The following G2E3 variants were observed in gnomAD, a reference collection of about 807,000 sequenced individuals.
The protein encoded by G2E3 is G2/M-phase specific E3 ubiquitin protein ligase.
Under a neutral mutation model 92.8 loss-of-function variants are expected in G2E3, and 35 were observed. The observed-to-expected ratio is 0.38, with a 90% confidence interval of 0.29 to 0.50. The LOEUF is 0.50. Among genes scored for constraint, G2E3 ranks in the 20% least tolerant of loss-of-function variants. The pLI is 0.94. For missense variants in G2E3, 554 were observed against 823.8 expected (o/e 0.67, Z 4.01); for synonymous variants, 242 against 272.4 (o/e 0.89, Z 1.10).
chr14:30,593,474 G>T lies in G2E3; in HGVS notation c.363G>T (p.Ala121=). ...ECIFQFTGNF[A]SFCWDHRPVQ... is the part of the protein sequence containing the mutation. The stretch of plus-strand genomic sequence containing the variant: ...TTTTTAAAATAATTTACATTTTTAG[G>T]TCATTTTGTTGGGACCATCGACCTG... Residue 121 remains alanine, a splice_region_variant and synonymous_variant, in exon 6 of 15, where the codon GCG becomes GCT. Coordinates refer to ENST00000206595, the MANE Select transcript of G2E3 (RefSeq NM_017769.5). 1 of 1,444,552 alleles carries T rather than the reference G, an allele frequency of 6.9e-7. No individual in the cohort carries two copies. The highest frequency in any genetic ancestry group is 9.5e-7 in the Non-Finnish European group (1 of 1,056,666). The allele number at this position is 1,444,552 out of a possible 1,614,324, so 89.5% of individuals were successfully genotyped here. A position where few individuals can be genotyped will look rare whatever the true frequency, so the allele number is the denominator to read the frequency against.
intron 3 of G2E3, among the ~76,000 whole-genome samples, chr14:30,588,918 A>T (rs1240614439): frequency 6.6e-6 from 1 of 152,200 alleles, no homozygotes; most frequent in Non-Finnish European, 1.5e-5. Flanking sequence ...AGGGTTCAAT[A>T]GGTTTTCTTG....
At chr14:30,590,655 T>G in intron 4 of G2E3, 1 of 455,538 alleles carries the variant, frequency 2.2e-6, no homozygotes, top group Non-Finnish European at 4.4e-6. Flanking sequence ...TTTTTGAAGA[T>G]ATCAAGAAGG....
intron 4 of G2E3, chr14:30,590,887 G>A (rs1880973135): frequency 3.4e-6 from 1 of 292,776 alleles, no homozygotes; most frequent in Non-Finnish European, 6.9e-6. Flanking sequence ...CAAAATGCTT[G>A]GAACCAGAAT....
Position 30,565,273 on chromosome 14 carries a change from G to A in G2E3, c.-5+6001G>A, listed in dbSNP as rs557499073. Reference sequence around the variant, plus strand: ...TGTTGGCCATTTGAATATTTTCTTTGGAGAAATGTCTTCAGATATTTTGTT... The same window carrying A: ...TGTTGGCCATTTGAATATTTTCTTTAGAGAAATGTCTTCAGATATTTTGTT... On this transcript the variant is annotated intron_variant, in intron 1 of 14. Coordinates refer to ENST00000206595, the MANE Select transcript of G2E3 (RefSeq NM_017769.5). Among the ~76,000 whole-genome samples, 3 of 151,980 alleles carry A rather than the reference G, an allele frequency of 2.0e-5. No homozygotes were observed. The South Asian group carries it at 6.2e-4, about 32-fold the overall frequency.
chr14:30,575,211 C>T (rs756288052), intron 1 of G2E3, among the ~76,000 whole-genome samples: 41 of 151,902 alleles, frequency 2.7e-4, no homozygotes, highest in Non-Finnish European at 4.6e-4. Context: ...CTGTTGGTCG[C>T]GTATATGTCT....
At chr14:30,603,281 G>A (rs1048258204) in intron 10 of G2E3, among the ~76,000 whole-genome samples, 4 of 149,744 alleles carry the variant, frequency 2.7e-5, no homozygotes, top group East Asian at 2.0e-4. Context: ...AGCCAAGGTC[G>A]CGCCACTGTA....
chr14:30,584,230 A>G (rs1440958504), intron 2 of G2E3, among the ~76,000 whole-genome samples: 1 of 152,248 alleles, frequency 6.6e-6, no homozygotes, highest in East Asian at 1.9e-4. Context: ...TTGCTGAATA[A>G]TATTCCATCA....
chr14:30,608,819 T>A (rs1881953978), intron 12 of G2E3, among the ~76,000 whole-genome samples: 1 of 152,220 alleles, frequency 6.6e-6, no homozygotes, highest in Admixed American at 6.5e-5. Context: ...GTTTAATGAT[T>A]AAAAGCATAG....
intron 7 of G2E3, 30 bp downstream of exon 7, chr14:30,597,556 A>G: frequency 1.8e-6 from 2 of 1,099,584 alleles, no homozygotes; most frequent in Non-Finnish European, 2.8e-6. Flanking sequence ...ATGATAAAAA[A>G]AAGATATTTT....
intron 13 of G2E3, among the ~76,000 whole-genome samples, chr14:30,614,965 ACT>A (rs1882247261): frequency 6.6e-6 from 1 of 152,044 alleles, no homozygotes; most frequent in South Asian, 2.1e-4. Context: ...AAGATTTATC[ACT>A]CTTGGTAATA....
intron 11 of G2E3, among the ~76,000 whole-genome samples, chr14:30,606,920 A>T (rs1354010455): frequency 6.6e-6 from 1 of 152,112 alleles, no homozygotes; most frequent in Non-Finnish European, 1.5e-5. Context: ...CCTTTGGGAA[A>T]GATTATTTAG....
intron 2 of G2E3, among the ~76,000 whole-genome samples, chr14:30,583,833 T>C (rs1880563283): frequency 6.6e-6 from 1 of 152,198 alleles, no homozygotes; most frequent in Non-Finnish European, 1.5e-5. Context: ...CTTCAAGTTG[T>C]ATTTTTGTGT....
intron 4 of G2E3, among the ~76,000 whole-genome samples, chr14:30,591,612 A>G (rs1012052218): frequency 6.6e-6 from 1 of 152,170 alleles, no homozygotes; most frequent in Non-Finnish European, 1.5e-5. Flanking sequence ...TTGTGGCAGC[A>G]TAACTCCAAT....
Position 30,605,565 on chromosome 14 carries a change from TAA to T in G2E3, c.1080_1081del (p.Lys360AsnfsTer2). The T allele has an allele frequency of 7.4e-7, 1 of 1,359,736 alleles. No individual in the cohort carries two copies. Among genetic ancestry groups the T allele is most frequent in the Non-Finnish European group, 1.0e-6 (1 of 991,988 alleles). 84.2% of individuals were successfully genotyped at this position (1,359,736 alleles called of 1,614,324 possible). ...TLLIELGFQIKKKTKRLYINK... is the reference protein window; with the variant it reads ...TLLIELGFQIXKKTKRLYINK... ...TATTAATAGAGTTAGGATTCCAAAT[TAA>T]AAAAAAAACTAAAAGATTGTATATC... On this transcript the variant is annotated frameshift_variant, in exon 11 of 15. Transcript: ENST00000206595. LOFTEE classifies it high-confidence loss of function.
chr14:30,581,780 C>T (rs186582698), intron 2 of G2E3, among the ~76,000 whole-genome samples: 9 of 152,204 alleles, frequency 5.9e-5, no homozygotes, highest in South Asian at 2.1e-4. Flanking sequence ...CAAATAGATG[C>T]GGTCCGTTTT....
intron 1 of G2E3, among the ~76,000 whole-genome samples, chr14:30,576,373 G>T (rs1880090430): frequency 6.6e-6 from 1 of 152,176 alleles, no homozygotes; most frequent in African/African-American, 2.4e-5. Flanking sequence ...ACCACCTCAA[G>T]ATGGATTAAA....
At chr14:30,570,818 A>G (rs932757696) in intron 1 of G2E3, among the ~76,000 whole-genome samples, 24 of 151,994 alleles carry the variant, frequency 1.6e-4, no homozygotes, top group African/African-American at 5.6e-4. Context: ...ATTTTCGTGG[A>G]TGTGTTCTGT....
At chr14:30,569,909 A>G (rs536591486) in intron 1 of G2E3, among the ~76,000 whole-genome samples, 1 of 152,282 alleles carries the variant, frequency 6.6e-6, no homozygotes, top group South Asian at 2.1e-4. Flanking sequence ...CTCTACTTAG[A>G]ATGCTTTTTC....
chr14:30,577,329 C>CT (rs1306421632), intron 1 of G2E3, among the ~76,000 whole-genome samples: 2 of 151,234 alleles, frequency 1.3e-5, no homozygotes, highest in African/African-American at 4.9e-5. Flanking sequence ...ATTTGACTTA[C>CT]TTTTTTTGTG....
Sources: gnomAD v4.1 joint callset for allele counts (sites outside exome capture counted in the v4.1 genomes callset) on GRCh38, gnomAD v4.1.1 for gene constraint, MANE v1.5 for transcripts, NCBI Gene and HGNC (gene_info 2026-07-23, HGNC 2026-07-21) for gene names.